The following ADCY5 variants were observed in gnomAD, a reference collection of about 807,000 sequenced individuals.
The protein encoded by ADCY5 is adenylate cyclase 5.
A neutral mutation model predicts 119.7 loss-of-function variants in ADCY5; 30 were observed. The observed-to-expected ratio is 0.25, with a 90% CI of 0.19 to 0.34. ADCY5 has a LOEUF of 0.34. Ranked by LOEUF, ADCY5 falls within the 10% of genes least tolerant of loss-of-function variation. The probability of loss-of-function intolerance (pLI) is 1.00; values close to 1 mark genes in which losing one functional copy is unlikely to be tolerated. For missense variants in ADCY5, 1,324 were observed against 1,775.2 expected, an observed-to-expected ratio of 0.75 and a Z score of 4.57; for synonymous variants, 753 against 762.2, an observed-to-expected ratio of 0.99 and a Z score of 0.20.
At chr3:123,333,983 C>T (rs914968948) in intron 3 of ADCY5, among the ~76,000 whole-genome samples, 7 of 152,290 alleles carry the variant, frequency 4.6e-5, no homozygotes, top group African/African-American at 1.7e-4. Context: ...CTCAGTGCAC[C>T]AGCTGGTGAT....
chr3:123,334,215 G>A (rs1019930440), intron 3 of ADCY5, among the ~76,000 whole-genome samples: 5 of 152,028 alleles, frequency 3.3e-5, no homozygotes, highest in Admixed American at 6.5e-5. Flanking sequence ...CACTGAGTCC[G>A]CGCAAAAGCC....
At chr3:123,373,545 C>T (rs956255153) in intron 1 of ADCY5, among the ~76,000 whole-genome samples, 1 of 152,224 alleles carries the variant, frequency 6.6e-6, no homozygotes, top group Admixed American at 6.5e-5. Flanking sequence ...CGACTCCTTG[C>T]CCTGAAGGAC....
intron 19 of ADCY5, among the ~76,000 whole-genome samples, chr3:123,289,134 G>GT (rs756525884): frequency 2.0e-5 from 3 of 152,184 alleles, no homozygotes; most frequent in Non-Finnish European, 2.9e-5. Context: ...TAAATGTTTA[G>GT]TTTTTTAAAC....
intron 1 of ADCY5, among the ~76,000 whole-genome samples, chr3:123,440,035 CG>C (rs1216013880): frequency 6.6e-6 from 1 of 152,226 alleles, no homozygotes; most frequent in Non-Finnish European, 1.5e-5. Flanking sequence ...AGCCGAGCTG[CG>C]TCGCTTCCTT....
chr3:123,423,414 C>T (rs920774959), intron 1 of ADCY5, among the ~76,000 whole-genome samples: 4 of 152,226 alleles, frequency 2.6e-5, no homozygotes, highest in Non-Finnish European at 5.9e-5. Context: ...CCAGCTACAG[C>T]CTTGAGGCCT....
chr3:123,409,048 A>C (rs999056721), intron 1 of ADCY5, among the ~76,000 whole-genome samples: 1 of 152,234 alleles, frequency 6.6e-6, no homozygotes, highest in African/African-American at 2.4e-5. Context: ...CTGTAGATAA[A>C]GTATAGAAAA....
chr3:123,353,348 C>T (rs1375778305), intron 1 of ADCY5, among the ~76,000 whole-genome samples: 6 of 152,314 alleles, frequency 3.9e-5, no homozygotes, highest in African/African-American at 1.2e-4. Context: ...CAATACAACA[C>T]GACACGGAAA....
intron 1 of ADCY5, among the ~76,000 whole-genome samples, chr3:123,376,388 C>G (rs913940789): frequency 6.6e-6 from 1 of 150,578 alleles, no homozygotes; most frequent in African/African-American, 2.4e-5. Context: ...CTAAGGGGTT[C>G]TTGGCCTTCG....
At chr3:123,319,549 C>A (rs1941103173) in intron 10 of ADCY5, 125 bp downstream of exon 10, 11 of 1,200,250 alleles carry the variant, frequency 9.2e-6, no homozygotes, top group Non-Finnish European at 1.3e-5. Flanking sequence ...AGCATCAGAG[C>A]TGGGGAAACT....
intron 1 of ADCY5, chr3:123,418,896 A>G (rs1484992628): frequency 6.6e-6 from 1 of 152,382 alleles, no homozygotes; most frequent in African/African-American, 2.4e-5. Context: ...CTGCCCTTGG[A>G]AAGCGGGCTC....
chr3:123,327,367 T>C (rs961647090), intron 7 of ADCY5, among the ~76,000 whole-genome samples: 1 of 152,238 alleles, frequency 6.6e-6, no homozygotes, highest in Non-Finnish European at 1.5e-5. Flanking sequence ...GCTTGTGGAC[T>C]TCTGATGTCT....
chr3:123,312,502 C>T (rs967989755), intron 12 of ADCY5, among the ~76,000 whole-genome samples: 1 of 152,174 alleles, frequency 6.6e-6, no homozygotes, highest in Admixed American at 6.5e-5. Flanking sequence ...TTTCCAAAAC[C>T]CTTTCATCAC....
chr3:123,343,522 G>C (rs1054231226), intron 3 of ADCY5, among the ~76,000 whole-genome samples: 1 of 152,192 alleles, frequency 6.6e-6, no homozygotes, highest in African/African-American at 2.4e-5. Context: ...CTGGGCAAGG[G>C]TGAGCTGCTG....
chr3:123,447,753 G>A lies in ADCY5; in HGVS notation c.793C>T (p.Pro265Ser). The A allele has an allele frequency of 6.2e-7, 1 of 1,604,750 alleles. No individual in the cohort carries two copies. The highest frequency in any genetic ancestry group is 8.5e-7 in the Non-Finnish European group (1 of 1,174,406). ...VMLAFHAARP[P>S]LQLPYLAVLA... ...ACGGCCAGGTAGGGCAGCTGGAGCG[G>A]GGGCCGCGCCGCGTGGAAGGCCAAC... is the stretch of plus-strand genomic sequence containing the variant. Residue 265 changes from proline to serine, a missense_variant, in exon 1 of 21, where the codon CCG becomes TCG. Around this residue, in one of 6 missense-constraint regions of ADCY5, gnomAD observed 585 missense variants for 569.9 expected, o/e 1.03. Transcript: ENST00000462833.
At chr3:123,335,561 A>G (rs1217942564) in intron 3 of ADCY5, among the ~76,000 whole-genome samples, 1 of 152,074 alleles carries the variant, frequency 6.6e-6, no homozygotes, top group Admixed American at 6.5e-5. Context: ...GGCCCCACAG[A>G]CATCTTAAAT....
At chr3:123,344,775 G>C (rs1272104908) in intron 3 of ADCY5, among the ~76,000 whole-genome samples, 3 of 152,180 alleles carry the variant, frequency 2.0e-5, no homozygotes, top group African/African-American at 7.2e-5. Flanking sequence ...CAAGCACTGT[G>C]TTTCTACCAA....
At chr3:123,390,835 G>A (rs759025974) in intron 1 of ADCY5, among the ~76,000 whole-genome samples, 34 of 152,208 alleles carry the variant, frequency 2.2e-4, no homozygotes, top group Admixed American at 3.9e-4. Flanking sequence ...CTGCATCCCC[G>A]AGGGTTCATC....
rs1364173128 is a variant in ADCY5 at position 123,319,631 on chromosome 3, C to CGA, written c.2256+42_2256+43insTC. On this transcript the variant is annotated intron_variant, in intron 10 of 20. Transcript: ENST00000462833. ...TTTTCTTGCCCTCCTCCTCCTGGTCCTGGTTCAGCACAGGGGCCTCCTTCC... is the reference window on the plus strand; with the variant it reads ...TTTTCTTGCCCTCCTCCTCCTGGTCCGATGGTTCAGCACAGGGGCCTCCTTCC... 4 of 1,601,792 alleles carry CGA rather than the reference C, an allele frequency of 2.5e-6. No individual in the cohort carries two copies. In the African/African-American group the frequency reaches 5.4e-5, roughly 21 times the overall value.
chr3:123,440,843 A>AAG (rs1417441554), intron 1 of ADCY5, among the ~76,000 whole-genome samples: 2 of 152,146 alleles, frequency 1.3e-5, no homozygotes, highest in African/African-American at 2.4e-5. Context: ...GCGAGGGGGC[A>AAG]AGAGAGAGTC....
Sources: allele counts gnomAD v4.1 joint callset (sites outside exome capture counted in the v4.1 genomes callset), GRCh38; gene constraint gnomAD v4.1.1; regional missense constraint gnomAD v4.1.1; transcripts MANE v1.5; gene names NCBI Gene and HGNC (gene_info 2026-07-23, HGNC 2026-07-21).